TPP2: variants seen among roughly 807,000 people sequenced by gnomAD.
TPP2 encodes tripeptidyl peptidase 2.
In TPP2, 34 loss-of-function variants were observed where a neutral mutation model predicts 155.9. The observed-to-expected ratio is 0.22, with a 90% CI of 0.17 to 0.29. The LOEUF (loss-of-function observed/expected upper bound fraction) is 0.29. Among genes scored for constraint, TPP2 ranks in the 10% least tolerant of loss-of-function variants. The pLI, the probability that TPP2 is intolerant of heterozygous loss-of-function variation, is 1.00. For missense variants in TPP2, 1,028 were observed against 1,522.3 expected, an observed-to-expected ratio of 0.68 and a Z score of 5.40; for synonymous variants, 510 against 529.4, an observed-to-expected ratio of 0.96 and a Z score of 0.50.
At chr13:102,600,259 T>C (rs1879322864) in intron 1 of TPP2, among the ~76,000 whole-genome samples, 1 of 152,192 alleles carries the variant, frequency 6.6e-6, no homozygotes, top group Admixed American at 6.5e-5. Flanking sequence ...TACATGCCTT[T>C]ACATGTGGCG....
chr13:102,609,740 CACAAGAACA>C (rs904998779), intron 2 of TPP2, among the ~76,000 whole-genome samples: 4 of 152,092 alleles, frequency 2.6e-5, no homozygotes, highest in African/African-American at 9.6e-5. Flanking sequence ...AATTCATCAT[CACAAGAACA>C]ACAAGGGGGA....
chr13:102,665,906 A>G (rs938096719), intron 27 of TPP2, among the ~76,000 whole-genome samples: 5 of 152,200 alleles, frequency 3.3e-5, no homozygotes, highest in Admixed American at 6.5e-5. Context: ...GGATCTTATG[A>G]ATCTTACAAG....
intron 28 of TPP2, among the ~76,000 whole-genome samples, chr13:102,675,630 TTGA>T (rs570427027): frequency 2.5e-3 from 374 of 152,340 alleles, no homozygotes; most frequent in Non-Finnish European, 4.2e-3. Context: ...TGACAAACAC[TTGA>T]TGAACATATA....
intron 26 of TPP2, among the ~76,000 whole-genome samples, chr13:102,663,947 TG>T (rs1396466384): frequency 6.6e-6 from 1 of 152,224 alleles, no homozygotes; most frequent in African/African-American, 2.4e-5. Flanking sequence ...TTCTTGCTCA[TG>T]CTTGGTCAAT....
At chr13:102,662,936 G>A (rs1884327549) in intron 25 of TPP2, among the ~76,000 whole-genome samples, 1 of 151,864 alleles carries the variant, frequency 6.6e-6, no homozygotes, top group Non-Finnish European at 1.5e-5. Flanking sequence ...ATTTTTTCTA[G>A]AATTTTCAGA....
intron 20 of TPP2, 28 bp from the exon 21 acceptor site, chr13:102,647,179 C>A: frequency 1.9e-6 from 3 of 1,565,844 alleles, no homozygotes; most frequent in South Asian, 1.2e-5. Context: ...GCAAATCATG[C>A]CAAGTAATCT....
chr13:102,640,022 G>A (rs1882648491), intron 15 of TPP2, among the ~76,000 whole-genome samples: 1 of 152,196 alleles, frequency 6.6e-6, no homozygotes, highest in African/African-American at 2.4e-5. Context: ...TTAATAGTGT[G>A]TGTGAATGTA....
chr13:102,606,326 C>T (rs1039931931), intron 2 of TPP2, among the ~76,000 whole-genome samples: 3 of 152,170 alleles, frequency 2.0e-5, no homozygotes, highest in Non-Finnish European at 2.9e-5. Context: ...CAGACTTAGC[C>T]GCCTAAAACC....
Position 102,635,604 on chromosome 13 carries a change from A to G in TPP2, c.1411A>G (p.Ile471Val). The G allele has an allele frequency of 6.2e-7, 1 of 1,612,584 alleles. No individual in the cohort carries two copies. Among genetic ancestry groups the G allele is most frequent in the Non-Finnish European group, 8.5e-7 (1 of 1,179,640 alleles). Reference sequence around the variant, plus strand: ...AATTTTAGGTCTGAAAGCTAATAACATTGACTACACAGTTCATTCAGTCAG... The same window carrying G: ...AATTTTAGGTCTGAAAGCTAATAACGTTGACTACACAGTTCATTCAGTCAG... ...LILSGLKANNIDYTVHSVRRA... is the reference protein window; with the variant it reads ...LILSGLKANNVDYTVHSVRRA... Residue 471 changes from isoleucine to valine, a missense_variant, in exon 12 of 30, where the codon ATT (isoleucine) becomes GTT (valine). Physicochemically the swap from Ile to Val is conservative, Grantham distance 29. This residue lies in a region of TPP2 where 325 missense variants were observed against 463.7 expected (regional missense o/e 0.70). Coordinates refer to ENST00000376052, the MANE Select transcript of TPP2 (RefSeq NM_001330588.2).
At chr13:102,616,308 T>G in intron 3 of TPP2, 88 bp from the exon 4 acceptor site, 1 of 1,093,456 alleles carries the variant, frequency 9.1e-7, no homozygotes, top group Non-Finnish European at 1.3e-6. Context: ...ATCACAACTG[T>G]ACCAACAAAG....
In TPP2 at chr13:102,664,862, C is replaced by T. The variant is rs1285003784; in HGVS notation, c.3308C>T (p.Thr1103Ile). 1.2e-6 allele frequency: 2 copies of T among 1,613,722 alleles called. No homozygotes were observed. Reference protein sequence around the residue: ...ANAVISHIDQTALAVYIAMKT... With the variant: ...ANAVISHIDQIALAVYIAMKT... Reference sequence around the variant, plus strand: ...GCTGTTATTTCTCATATAGATCAAACAGCCCTAGCAGTTTATATTGCAATG... The same window carrying T: ...GCTGTTATTTCTCATATAGATCAAATAGCCCTAGCAGTTTATATTGCAATG... The change falls in exon 27 of 30, where the codon ACA becomes ATA. Residue 1103 changes from threonine (T) to isoleucine (I), a missense_variant. Thr to Ile is a moderately conservative substitution (Grantham distance 89). Coordinates refer to ENST00000376052, the MANE Select transcript of TPP2 (RefSeq NM_001330588.2).
At chr13:102,615,589 A>G (rs16960241) in intron 3 of TPP2, among the ~76,000 whole-genome samples, 13,485 of 152,244 alleles carry the variant, frequency 0.089, 820 homozygotes, top group African/African-American at 0.17. Context: ...GATAAAGGTT[A>G]AAACCAATTT....
chr13:102,640,487 G>A (rs1882681104), intron 16 of TPP2, 111 bp downstream of exon 16: 2 of 804,132 alleles, frequency 2.5e-6, no homozygotes, highest in African/African-American at 3.5e-5. Flanking sequence ...ACTAATATAT[G>A]TATTTGGGTA....
At chr13:102,608,524 TTTCC>T (rs752134334) in intron 2 of TPP2, among the ~76,000 whole-genome samples, 3 of 152,172 alleles carry the variant, frequency 2.0e-5, no homozygotes, top group Non-Finnish European at 4.4e-5. Flanking sequence ...CCTTAATCTT[TTTCC>T]TTCCTGAGAG....
In TPP2 at chr13:102,631,348, G is replaced by A. The variant is rs1039917463; in HGVS notation, c.1244+1153G>A. Reference sequence around the variant, plus strand: ...ATAAAGTGTCATTGAAAACAACCAGGCCGTGGATATCCACATGGATCAGAA... The same window carrying A: ...ATAAAGTGTCATTGAAAACAACCAGACCGTGGATATCCACATGGATCAGAA... On this transcript the variant is annotated intron_variant, in intron 10 of 29. Transcript: ENST00000376052. 1.3e-5 allele frequency: 2 copies of A among 152,114 alleles called. 1 individual carries two copies. Among genetic ancestry groups the A allele is most frequent in the South Asian group, 4.2e-4 (2 of 4,816 alleles). The allele number at this position is 152,114 out of a possible 1,614,324, so 9.4% of individuals were successfully genotyped here. A position where few individuals can be genotyped will look rare whatever the true frequency, so the allele number is the denominator to read the frequency against.
intron 19 of TPP2, 29 bp downstream of exon 19, chr13:102,645,038 A>T: frequency 6.3e-7 from 1 of 1,594,018 alleles, no homozygotes; most frequent in East Asian, 2.2e-5. Flanking sequence ...GGAACTACAG[A>T]TATTGAATAT....
intron 27 of TPP2, among the ~76,000 whole-genome samples, chr13:102,670,000 G>A (rs1313783391): frequency 6.6e-6 from 1 of 152,130 alleles, no homozygotes; most frequent in Non-Finnish European, 1.5e-5. Context: ...CATATTGATT[G>A]GCTGAGCAGG....
chr13:102,648,622 G>A (rs1011634880), intron 21 of TPP2, among the ~76,000 whole-genome samples: 5 of 151,982 alleles, frequency 3.3e-5, no homozygotes, highest in African/African-American at 1.2e-4. Context: ...GTATTCTGTC[G>A]TTCTGGAAAG....
At chr13:102,625,257 C>T (rs560209780) in intron 6 of TPP2, among the ~76,000 whole-genome samples, 8 of 150,848 alleles carry the variant, frequency 5.3e-5, no homozygotes, top group African/African-American at 1.5e-4. Context: ...CTCCGCCTCC[C>T]GGGTTCATGC....
Sources: allele counts gnomAD v4.1 joint callset (sites outside exome capture counted in the v4.1 genomes callset), GRCh38; gene constraint gnomAD v4.1.1; regional missense constraint gnomAD v4.1.1; transcripts MANE v1.5; gene names NCBI Gene and HGNC (gene_info 2026-07-23, HGNC 2026-07-21).